Variants in SVOPL observed in about 807,000 individuals in gnomAD.
SVOPL encodes putative transporter SVOPL.
A neutral mutation model predicts 61.0 loss-of-function variants in SVOPL; 60 were observed. The observed-to-expected ratio is 0.98, with a 90% CI of 0.80 to 1.22. The LOEUF (loss-of-function observed/expected upper bound fraction) is 1.22, where lower values mean the gene tolerates loss of function less well. Ranked by LOEUF, SVOPL falls within the 50% of genes most tolerant of loss-of-function variation. The probability of loss-of-function intolerance (pLI) is 0.00; values close to 1 mark genes in which losing one functional copy is unlikely to be tolerated. For missense variants in SVOPL, 662 were observed against 643.9 expected, an observed-to-expected ratio of 1.03 and a Z score of -0.30; for synonymous variants, 279 against 250.0, an observed-to-expected ratio of 1.12 and a Z score of -1.09.
intron 4 of SVOPL, among the ~76,000 whole-genome samples, chr7:138,664,629 A>G (rs1359949263): frequency 8.1e-6 from 1 of 122,980 alleles, no homozygotes; most frequent in African/African-American, 3.2e-5. Flanking sequence ...TGCGCGCCTA[A>G]TCTCCAGCAC....
chr7:138,697,113 G>C (rs1338018936), intron 1 of SVOPL, among the ~76,000 whole-genome samples: 1 of 152,164 alleles, frequency 6.6e-6, no homozygotes, highest in East Asian at 1.9e-4. Flanking sequence ...GTGCATACCT[G>C]TAATCCCAGC....
intron 10 of SVOPL, among the ~76,000 whole-genome samples, chr7:138,629,153 G>GTGTATATA (rs10624737): frequency 6.1e-5 from 9 of 147,282 alleles, no homozygotes; most frequent in African/African-American, 2.0e-4. Flanking sequence ...GTGTGTGTGT[G>GTGTATATA]TATATATGTA....
At chr7:138,697,731 G>A (rs957696135) in intron 1 of SVOPL, among the ~76,000 whole-genome samples, 5 of 149,258 alleles carry the variant, frequency 3.3e-5, no homozygotes, top group Middle Eastern at 6.8e-3. Flanking sequence ...AGGAAGAGGA[G>A]AAGGAAGAAA....
rs141245897 is a variant in SVOPL, at chr7:138,677,193, T to C, written c.174+1241A>G. ...TGCTGGGATTACAGGCGTGAGCCAC[T>C]GCGCCCGGCCTCCTGCTCTTTTTCT... On this transcript the variant is annotated intron_variant, in intron 3 of 15. Coordinates refer to ENST00000674285, the MANE Select transcript of SVOPL (RefSeq NM_001139456.2). Among the ~76,000 whole-genome samples, 1,248 of 152,186 alleles carry C rather than the reference T, an allele frequency of 8.2e-3. 22 individuals are homozygous for C. The highest frequency in any genetic ancestry group is 0.028 in the African/African-American group (1,169 of 41,522).
rs765283153 is a variant in SVOPL, at chr7:138,630,036, A to C, written c.863+13T>G. Reference sequence around the variant, plus strand: ...TCTATTTAAAACTAGCTTTGAAATCATTACACTCTTACCATATGACCCAGA... The same window carrying C: ...TCTATTTAAAACTAGCTTTGAAATCCTTACACTCTTACCATATGACCCAGA... On this transcript the variant is annotated intron_variant, in intron 10 of 15. Transcript: ENST00000674285. 1.9e-6 allele frequency: 3 copies of C among 1,610,168 alleles called. No individual in the cohort carries two copies. The South Asian group carries it at 3.3e-5, about 18-fold the overall frequency.
intron 5 of SVOPL, 57 bp downstream of exon 5, chr7:138,663,017 G>A: frequency 1.2e-6 from 2 of 1,611,422 alleles, no homozygotes; most frequent in Non-Finnish European, 8.5e-7. Context: ...TGATAAGGTT[G>A]CCCCCAAAAG....
At chr7:138,601,606 T>C (rs906149224) in intron 14 of SVOPL, among the ~76,000 whole-genome samples, 3 of 151,314 alleles carry the variant, frequency 2.0e-5, no homozygotes, top group African/African-American at 7.3e-5. Context: ...TTACCAGGGG[T>C]AGGGGGAAAT....
intron 9 of SVOPL, among the ~76,000 whole-genome samples, chr7:138,641,847 A>T (rs575240836): frequency 2.7e-5 from 4 of 145,608 alleles, no homozygotes; most frequent in African/African-American, 7.5e-5. Context: ...ATATATATAT[A>T]ACATATATAT....
chr7:138,641,516 C>A (rs978474991), intron 9 of SVOPL, among the ~76,000 whole-genome samples: 5 of 151,552 alleles, frequency 3.3e-5, no homozygotes, highest in Non-Finnish European at 7.4e-5. Context: ...ACTAAAAACA[C>A]AAATATTAGC....
intron 8 of SVOPL, among the ~76,000 whole-genome samples, chr7:138,648,793 A>G (rs1181941273): frequency 6.6e-6 from 1 of 151,078 alleles, no homozygotes; most frequent in African/African-American, 2.4e-5. Context: ...ATGGTGGCAC[A>G]TGACTGTAAT....
At chr7:138,678,734 C>T (rs763242595) in intron 2 of SVOPL, among the ~76,000 whole-genome samples, 1 of 152,074 alleles carries the variant, frequency 6.6e-6, no homozygotes, top group Non-Finnish European at 1.5e-5. Flanking sequence ...CCACACTGGC[C>T]TAATTTTTGT....
intron 14 of SVOPL, among the ~76,000 whole-genome samples, chr7:138,600,720 G>A (rs947253603): frequency 6.6e-6 from 1 of 152,094 alleles, no homozygotes; most frequent in Non-Finnish European, 1.5e-5. Flanking sequence ...AAATGGCCAA[G>A]AGGTATATGA....
intron 8 of SVOPL, among the ~76,000 whole-genome samples, chr7:138,648,337 G>A (rs6973664): frequency 0.027 from 4,090 of 152,042 alleles, 86 homozygotes; most frequent in South Asian, 0.063. Context: ...ATGGCCTGGC[G>A]CGGTGGCTCA....
Position 138,597,145 on chromosome 7 carries a change from A to T in SVOPL, c.1354-615T>A, listed in dbSNP as rs78993339. On this transcript the variant is annotated intron_variant, in intron 14 of 15. Coordinates refer to ENST00000674285, the MANE Select transcript of SVOPL (RefSeq NM_001139456.2). The stretch of plus-strand genomic sequence containing the variant: ...TCACGCAGATACTGGTAATTCAGAT[A>T]CTCCATCTCATACTTTAGTTTCTCT... The T allele has an allele frequency of 3.9e-4, 506 of 1,285,996 alleles. 1 individual carries two copies. In the African/African-American group the frequency reaches 7.3e-3, roughly 19 times the overall value. 79.7% of individuals were successfully genotyped at this position (1,285,996 alleles called of 1,614,324 possible). A position where few individuals can be genotyped will look rare whatever the true frequency, so the allele number is the denominator to read the frequency against.
intron 8 of SVOPL, among the ~76,000 whole-genome samples, chr7:138,648,249 C>T (rs1257036884): frequency 6.6e-6 from 1 of 151,930 alleles, no homozygotes; most frequent in South Asian, 2.1e-4. Context: ...AGAGGGGCAA[C>T]GAGGCAGGCT....
chr7:138,634,878 T>G (rs979262433), intron 9 of SVOPL, among the ~76,000 whole-genome samples: 1 of 150,766 alleles, frequency 6.6e-6, no homozygotes, highest in South Asian at 2.1e-4. Context: ...GCAGGAGGAT[T>G]GCTTGAGCCC....
At chr7:138,692,505 T>A (rs921879298) in intron 1 of SVOPL, among the ~76,000 whole-genome samples, 1 of 152,304 alleles carries the variant, frequency 6.6e-6, no homozygotes, top group East Asian at 1.9e-4. Flanking sequence ...CCATTTCTTA[T>A]AACAAAAGTC....
chr7:138,598,127 T>C (rs1356668728), intron 14 of SVOPL, among the ~76,000 whole-genome samples: 1 of 152,204 alleles, frequency 6.6e-6, no homozygotes, highest in Admixed American at 6.5e-5. Flanking sequence ...AAAAATCATT[T>C]TGGAAATTTG....
At chr7:138,655,507 AAAAAT>A (rs1801680555) in intron 7 of SVOPL, among the ~76,000 whole-genome samples, 1 of 152,098 alleles carries the variant, frequency 6.6e-6, no homozygotes, top group Non-Finnish European at 1.5e-5. Context: ...CTCCATTTCA[AAAAAT>A]AAAATAAAAA....
Sources: allele counts gnomAD v4.1 joint callset (sites outside exome capture counted in the v4.1 genomes callset), GRCh38; gene constraint gnomAD v4.1.1; transcripts MANE v1.5; gene names NCBI Gene and HGNC (gene_info 2026-07-23, HGNC 2026-07-21).